Variants in ANXA8 observed in about 807,000 individuals in gnomAD.
ANXA8 encodes VAC-beta.
Under a neutral mutation model 26.8 loss-of-function variants are expected in ANXA8, and 9 were observed. The ratio of observed to expected loss-of-function variants is 0.34; its 90% CI spans 0.20 to 0.59. The LOEUF (loss-of-function observed/expected upper bound fraction) is 0.59. Among genes scored for constraint, ANXA8 ranks in the 20% least tolerant of loss-of-function variants. The probability of loss-of-function intolerance (pLI) is 0.84; values close to 1 mark genes in which losing one functional copy is unlikely to be tolerated. For missense variants in ANXA8, 83 were observed against 238.5 expected, an observed-to-expected ratio of 0.35 and a Z score of 4.29; for synonymous variants, 39 against 94.8, an observed-to-expected ratio of 0.41 and a Z score of 3.42.
chr10:47,763,770 G>C, the ANXA8 span, among the ~76,000 whole-genome samples: 2 of 148,230 alleles, frequency 1.3e-5, no homozygotes, highest in African/African-American at 2.5e-5. Flanking sequence ...GTGTATCTGT[G>C]GTGCAGGGGA....
the ANXA8 span, among the ~76,000 whole-genome samples, chr10:47,738,654 G>A: frequency 6.6e-6 from 1 of 151,362 alleles, no homozygotes; most frequent in African/African-American, 2.4e-5. Flanking sequence ...TCAGCTCACT[G>A]CAACCTCTGC....
the ANXA8 span, among the ~76,000 whole-genome samples, chr10:47,733,198 T>TTTCTTTCTTTCTTTCTTTCTTTC: frequency 1.8e-5 from 2 of 112,008 alleles, no homozygotes; most frequent in East Asian, 4.7e-4. Context: ...TCTTTCTTTC[T>TTTCTTTCTTTCTTTCTTTCTTTC]TTCTTTCTTT....
At chr10:47,730,775 C>T in the ANXA8 span, among the ~76,000 whole-genome samples, 3 of 149,372 alleles carry the variant, frequency 2.0e-5, no homozygotes, top group Middle Eastern at 3.4e-3. Context: ...TGGGGAACCA[C>T]AGAGAAGACA....
At chr10:47,756,450 AG>A in the ANXA8 span, among the ~76,000 whole-genome samples, 2 of 138,928 alleles carry the variant, frequency 1.4e-5, no homozygotes, top group African/African-American at 5.5e-5. Context: ...TCTTTGCATC[AG>A]GAAAGTACCC....
chr10:47,670,575 G>A, the ANXA8 span, among the ~76,000 whole-genome samples: 5 of 151,962 alleles, frequency 3.3e-5, no homozygotes, highest in African/African-American at 4.8e-5. Flanking sequence ...GTGTAAAGTG[G>A]TATCTTTTTG....
the ANXA8 span, among the ~76,000 whole-genome samples, chr10:47,673,554 C>T: frequency 2.4e-3 from 366 of 150,196 alleles, no homozygotes; most frequent in Non-Finnish European, 4.5e-3. Flanking sequence ...CACGAGGGCA[C>T]CTGAGCTTCA....
the ANXA8 span, among the ~76,000 whole-genome samples, chr10:47,952,414 G>T: frequency 6.7e-6 from 1 of 150,328 alleles, no homozygotes; most frequent in African/African-American, 2.5e-5. Context: ...ATTTAGCAAG[G>T]TCATAAGATA....
the ANXA8 span, among the ~76,000 whole-genome samples, chr10:47,666,955 A>G: frequency 6.6e-6 from 1 of 152,158 alleles, no homozygotes; most frequent in African/African-American, 2.4e-5. Flanking sequence ...CTTGTGACTA[A>G]CTCAACCTAA....
At chr10:47,589,000 G>A in the ANXA8 span, 1 of 144,812 alleles carries the variant, frequency 6.9e-6, no homozygotes. Flanking sequence ...ATTTTGTAGA[G>A]ACGGGGTTTT....
the ANXA8 span, among the ~76,000 whole-genome samples, chr10:47,907,531 C>G: frequency 1.4e-5 from 2 of 141,136 alleles, no homozygotes; most frequent in Admixed American, 1.4e-4. Context: ...CTTTGGGAGG[C>G]CGAGGCGGGT....
At chr10:47,591,531 C>T in the ANXA8 span, among the ~76,000 whole-genome samples, 2 of 137,484 alleles carry the variant, frequency 1.5e-5, no homozygotes, top group Non-Finnish European at 3.0e-5. Flanking sequence ...GCAAGCTCCA[C>T]CTCCCGGGTT....
the ANXA8 span, among the ~76,000 whole-genome samples, chr10:47,651,808 C>T: frequency 2.0e-5 from 3 of 151,798 alleles, no homozygotes; most frequent in African/African-American, 7.3e-5. Flanking sequence ...GCAGGAGAAT[C>T]GCTTGAACCT....
At chr10:47,655,857 T>C in the ANXA8 span, among the ~76,000 whole-genome samples, 1 of 151,524 alleles carries the variant, frequency 6.6e-6, no homozygotes, top group Non-Finnish European at 1.5e-5. Flanking sequence ...TCCATCCCTA[T>C]TAAAAATACA....
the ANXA8 span, among the ~76,000 whole-genome samples, chr10:47,612,346 T>C: frequency 1.7e-5 from 1 of 57,258 alleles, no homozygotes; most frequent in East Asian, 2.7e-4. Context: ...AAACCTTTGT[T>C]CTCTTTGTTA....
At chr10:47,556,155 G>A in the ANXA8 span, among the ~76,000 whole-genome samples, 12 of 152,006 alleles carry the variant, frequency 7.9e-5, no homozygotes, top group African/African-American at 2.7e-4. Context: ...AAGATCTGGT[G>A]TAAAATTATC....
At chr10:47,981,073 A>C in the ANXA8 span, among the ~76,000 whole-genome samples, 1 of 151,620 alleles carries the variant, frequency 6.6e-6, no homozygotes, top group Non-Finnish European at 1.5e-5. Context: ...AGCACACTAA[A>C]CCCAGAAACA....
the ANXA8 span, among the ~76,000 whole-genome samples, chr10:47,646,772 C>G: frequency 6.6e-6 from 1 of 151,964 alleles, no homozygotes; most frequent in Non-Finnish European, 1.5e-5. Context: ...ACTTGAAAGT[C>G]TGATTCTCTC....
At chr10:47,647,388 C>T in the ANXA8 span, among the ~76,000 whole-genome samples, 1 of 150,750 alleles carries the variant, frequency 6.6e-6, no homozygotes, top group East Asian at 1.9e-4. Context: ...TGAATGATAT[C>T]ATATTATATT....
chr10:47,899,008 A>ATT, the ANXA8 span, among the ~76,000 whole-genome samples: 1 of 147,662 alleles, frequency 6.8e-6, no homozygotes, highest in Admixed American at 6.7e-5. Context: ...TAATTTTTGT[A>ATT]TTTTTTTTTA....
Sources: allele counts gnomAD v4.1 joint callset (sites outside exome capture counted in the v4.1 genomes callset), GRCh38; gene constraint gnomAD v4.1.1; transcripts MANE v1.5; gene names NCBI Gene and HGNC (gene_info 2026-07-23, HGNC 2026-07-21).